Variants in SEZ6L observed in about 807,000 individuals in gnomAD.
SEZ6L encodes the protein seizure 6-like protein.
Under a neutral mutation model 106.2 loss-of-function variants are expected in SEZ6L, and 37 were observed. The ratio of observed to expected loss-of-function variants is 0.35; its 90% CI spans 0.27 to 0.46. SEZ6L has a LOEUF of 0.46. Among genes scored for constraint, SEZ6L ranks in the 20% least tolerant of loss-of-function variants. The probability of loss-of-function intolerance (pLI) is 1.00; values close to 1 mark genes in which losing one functional copy is unlikely to be tolerated. For missense variants in SEZ6L, 1,172 were observed against 1,332.8 expected (o/e 0.88, Z 1.88); for synonymous variants, 541 against 570.4 (o/e 0.95, Z 0.73).
intron 1 of SEZ6L, among the ~76,000 whole-genome samples, chr22:26,229,513 T>C (rs186569589): frequency 6.6e-6 from 1 of 152,302 alleles, no homozygotes; most frequent in African/African-American, 2.4e-5. Context: ...CCATTGCCAA[T>C]AGGGATTTTG....
chr22:26,186,847 G>T (rs918531398), intron 1 of SEZ6L, among the ~76,000 whole-genome samples: 1 of 152,186 alleles, frequency 6.6e-6, no homozygotes. Flanking sequence ...TTGCTGAGAG[G>T]TGTTGGGAGT....
Position 26,373,434 on chromosome 22 carries a change from C to T in SEZ6L, c.2795-17C>T. ...ATTCACTTTACATTGACCAATGCTT[C>T]CTGATTTCTCTTTCAGTTAATCAAG... On this transcript the variant is annotated splice_polypyrimidine_tract_variant and intron_variant, in intron 13 of 16. Coordinates refer to ENST00000248933, the MANE Select transcript of SEZ6L (RefSeq NM_021115.5). 2 of 1,601,032 alleles carry T rather than the reference C, an allele frequency of 1.2e-6. No individual in the cohort carries two copies. The highest frequency in any genetic ancestry group is 1.7e-6 in the Non-Finnish European group (2 of 1,175,962).
chr22:26,227,475 A>G (rs2078667494), intron 1 of SEZ6L, among the ~76,000 whole-genome samples: 2 of 152,140 alleles, frequency 1.3e-5, no homozygotes, highest in Admixed American at 1.3e-4. Flanking sequence ...TGGTGTGATC[A>G]TAGCTCACTG....
In SEZ6L at chr22:26,373,367, T is replaced by TAAAAAA. The variant is rs2084106548; in HGVS notation, c.2795-84_2795-83insAAAAAA. 1.3e-5 allele frequency: 15 copies of TAAAAAA among 1,197,286 alleles called. No homozygotes were observed. In the South Asian group the frequency reaches 2.0e-4, roughly 16 times the overall value. The allele number at this position is 1,197,286 out of a possible 1,614,324, so 74.2% of individuals were successfully genotyped here. On this transcript the variant is annotated intron_variant, in intron 13 of 16. Transcript: ENST00000248933. ...CTTCACCAAAGCATGGCATGGGCTT[T>TAAAAAA]TGCATCAAATTTTTTGGCCTCATTT...
At chr22:26,249,426 T>C (rs1247016306) in intron 1 of SEZ6L, among the ~76,000 whole-genome samples, 1 of 152,214 alleles carries the variant, frequency 6.6e-6, no homozygotes, top group Non-Finnish European at 1.5e-5. Flanking sequence ...GTATTTATCT[T>C]TCTGTGCCTG....
At chr22:26,237,532 G>A (rs941249023) in intron 1 of SEZ6L, among the ~76,000 whole-genome samples, 7 of 152,230 alleles carry the variant, frequency 4.6e-5, no homozygotes, top group African/African-American at 1.7e-4. Context: ...GGGTTGTTAG[G>A]AGGATGAAGT....
intron 1 of SEZ6L, among the ~76,000 whole-genome samples, chr22:26,238,983 G>A (rs1317541670): frequency 6.6e-6 from 1 of 152,236 alleles, no homozygotes; most frequent in Non-Finnish European, 1.5e-5. Flanking sequence ...AACACTTTGG[G>A]AGGCCAAGGT....
At chr22:26,313,642 A>T in intron 8 of SEZ6L, 122 bp from the exon 9 acceptor site, 1 of 1,148,390 alleles carries the variant, frequency 8.7e-7, no homozygotes, top group Non-Finnish European at 1.3e-6. Flanking sequence ...AGGTGAAGAC[A>T]CCTGTCCACA....
Position 26,380,339 on chromosome 22 carries a change from T to G in SEZ6L, c.*44T>G. 1 of 1,537,516 alleles carries G rather than the reference T, an allele frequency of 6.5e-7. No homozygotes were observed. Among genetic ancestry groups the G allele is most frequent in the Non-Finnish European group, 9.0e-7 (1 of 1,110,414 alleles). ...AGGGGACTTGTGAACTCAACCACAA[T>G]CTCCTCGAGACATTCATCCAGAGAC... On this transcript the variant is annotated 3_prime_UTR_variant, in exon 17 of 17. Transcript: ENST00000248933.
At chr22:26,222,986 CAA>C (rs11344783) in intron 1 of SEZ6L, among the ~76,000 whole-genome samples, 3,318 of 146,980 alleles carry the variant, frequency 0.023, 97 homozygotes, top group African/African-American at 0.063. Flanking sequence ...CAGCCTCCCA[CAA>C]AAAAAAAAAA....
chr22:26,358,384 T>C (rs9613163), intron 12 of SEZ6L, among the ~76,000 whole-genome samples: 59,358 of 152,028 alleles, frequency 0.39, 11,987 homozygotes, highest in East Asian at 0.53. Context: ...CAATCATAAA[T>C]ATAAAGGCTT....
intron 1 of SEZ6L, among the ~76,000 whole-genome samples, chr22:26,261,799 T>C (rs1285122652): frequency 6.6e-6 from 1 of 152,108 alleles, no homozygotes; most frequent in Non-Finnish European, 1.5e-5. Context: ...AAAATGGGGA[T>C]GAAATAATAA....
chr22:26,309,744 G>C (rs2081754890), intron 6 of SEZ6L, among the ~76,000 whole-genome samples: 1 of 152,094 alleles, frequency 6.6e-6, no homozygotes, highest in East Asian at 1.9e-4. Context: ...ATATCTGTCT[G>C]ATTTTTGTAT....
chr22:26,324,718 A>G (rs1601504156), intron 9 of SEZ6L, among the ~76,000 whole-genome samples: 1 of 152,238 alleles, frequency 6.6e-6, no homozygotes, highest in Non-Finnish European at 1.5e-5. Flanking sequence ...CCCTGGAGCC[A>G]AAAGTTCGAA....
intron 1 of SEZ6L, among the ~76,000 whole-genome samples, chr22:26,259,745 G>A (rs2079939522): frequency 6.6e-6 from 1 of 152,156 alleles, no homozygotes; most frequent in African/African-American, 2.4e-5. Flanking sequence ...ATGCCATTGT[G>A]TTCTGGGCTG....
At chr22:26,318,769 G>A (rs188449525) in intron 9 of SEZ6L, among the ~76,000 whole-genome samples, 33 of 152,140 alleles carry the variant, frequency 2.2e-4, no homozygotes, top group African/African-American at 7.5e-4. Context: ...TCTACTTATA[G>A]GGAGATATTT....
intron 9 of SEZ6L, among the ~76,000 whole-genome samples, chr22:26,321,800 G>A (rs749359818): frequency 4.6e-5 from 7 of 152,106 alleles, no homozygotes; most frequent in African/African-American, 1.2e-4. Context: ...ACTGCAGACC[G>A]AGCTGGGTAG....
At chr22:26,342,676 T>C (rs111863823) in intron 10 of SEZ6L, among the ~76,000 whole-genome samples, 1,960 of 151,854 alleles carry the variant, frequency 0.013, 44 homozygotes, top group African/African-American at 0.045. Flanking sequence ...GCCTGGGTGA[T>C]AGAGCGAGAC....
Position 26,303,362 on chromosome 22 carries a change from C to T in SEZ6L, c.1349-2617C>T, listed in dbSNP as rs117581414. ...TCATTCAACAAACATTTAATGGGTA[C>T]CTGCTATGTATCAAGCTTTGAGCTG... On this transcript the variant is annotated intron_variant, in intron 5 of 16. Transcript: ENST00000248933. 3.2e-4 allele frequency among the ~76,000 whole-genome samples: 48 copies of T among 152,282 alleles called. 1 individual carries two copies. In the East Asian group the frequency reaches 7.5e-3, roughly 24 times the overall value.
Sources: allele counts gnomAD v4.1 joint callset (sites outside exome capture counted in the v4.1 genomes callset), GRCh38; gene constraint gnomAD v4.1.1; transcripts MANE v1.5; gene names NCBI Gene and HGNC (gene_info 2026-07-23, HGNC 2026-07-21).